Variants in SLC35F3 observed in about 807,000 individuals in gnomAD.
The protein encoded by SLC35F3 is solute carrier family 35 member F3, also known as putative thiamine transporter SLC35F3.
In SLC35F3, 25 loss-of-function variants were observed where a neutral mutation model predicts 49.9. That is an observed-to-expected ratio of 0.50 (90% CI 0.37 to 0.70). SLC35F3 has a LOEUF of 0.70. Ranked by LOEUF, SLC35F3 falls within the 30% of genes least tolerant of loss-of-function variation. SLC35F3 has a pLI of 0.00. For missense variants in SLC35F3, 525 were observed against 639.8 expected, an observed-to-expected ratio of 0.82 and a Z score of 1.94; for synonymous variants, 275 against 265.4, an observed-to-expected ratio of 1.04 and a Z score of -0.35.
chr1:234,114,447 A>G (rs181314476), intron 2 of SLC35F3, among the ~76,000 whole-genome samples: 4 of 152,342 alleles, frequency 2.6e-5, no homozygotes, highest in Middle Eastern at 3.4e-3. Context: ...ATAAACTGAC[A>G]TATTTATGAA....
rs1457149469 is a variant in SLC35F3 at position 234,214,528 on chromosome 1, G to T, written c.284-16889G>T. On this transcript the variant is annotated intron_variant, in intron 2 of 7. Coordinates refer to ENST00000366618, the MANE Select transcript of SLC35F3 (RefSeq NM_173508.4). The surrounding 1 kb of genome is among the most constrained non-coding windows in gnomAD (Gnocchi z 8.0). ...AGAAGCACTCGGCCCGGGTGGCCCCGCTCAGCGCCTGCAACAGTCCGGTCC... is the reference window on the plus strand; with the variant it reads ...AGAAGCACTCGGCCCGGGTGGCCCCTCTCAGCGCCTGCAACAGTCCGGTCC... 5.1e-6 allele frequency: 8 copies of T among 1,555,452 alleles called. No homozygotes were observed. Among genetic ancestry groups the T allele is most frequent in the Non-Finnish European group, 6.9e-6 (8 of 1,153,214 alleles).
At chr1:234,002,775 T>A (rs940298877) in intron 2 of SLC35F3, among the ~76,000 whole-genome samples, 1 of 152,192 alleles carries the variant, frequency 6.6e-6, no homozygotes, top group Non-Finnish European at 1.5e-5. Context: ...AGAGTCTACA[T>A]AAATCATTTG....
chr1:234,203,753 C>T (rs1331688969), intron 2 of SLC35F3, among the ~76,000 whole-genome samples: 3 of 151,662 alleles, frequency 2.0e-5, no homozygotes, highest in Non-Finnish European at 4.4e-5. Context: ...CCCAGTGAAC[C>T]GAATTTTAAA....
chr1:233,993,189 A>T (rs1038184405), intron 2 of SLC35F3, among the ~76,000 whole-genome samples: 4 of 152,072 alleles, frequency 2.6e-5, no homozygotes, highest in African/African-American at 9.7e-5. Flanking sequence ...CTGGTCTCGA[A>T]CTCCTGACCT....
intron 2 of SLC35F3, among the ~76,000 whole-genome samples, chr1:234,176,749 G>T (rs1301078826): frequency 6.6e-6 from 1 of 152,202 alleles, no homozygotes; most frequent in Non-Finnish European, 1.5e-5. Flanking sequence ...CAGACAGACT[G>T]AACTTGAACA....
chr1:234,156,380 G>A (rs1666153134), intron 2 of SLC35F3, among the ~76,000 whole-genome samples: 1 of 152,164 alleles, frequency 6.6e-6, no homozygotes, highest in East Asian at 1.9e-4. Flanking sequence ...TAACCCCGCA[G>A]TACCACTTCG....
intron 2 of SLC35F3, among the ~76,000 whole-genome samples, chr1:233,926,968 C>A (rs535666729): frequency 1.3e-5 from 2 of 152,318 alleles, no homozygotes; most frequent in South Asian, 4.1e-4. Context: ...CCAGCGGAGG[C>A]TGCAGAACAG....
chr1:234,248,782 G>C (rs1481594900), intron 3 of SLC35F3, among the ~76,000 whole-genome samples: 1 of 152,204 alleles, frequency 6.6e-6, no homozygotes, highest in Non-Finnish European at 1.5e-5. Context: ...TCACAGCCCA[G>C]AAATCAAACT....
intron 2 of SLC35F3, among the ~76,000 whole-genome samples, chr1:234,211,852 A>C (rs935019633): frequency 3.3e-5 from 5 of 152,154 alleles, no homozygotes; most frequent in African/African-American, 1.2e-4. Flanking sequence ...TGAGGATATG[A>C]GATTTGGGAG....
At chr1:233,968,495 TTC>T (rs1662936714) in intron 2 of SLC35F3, among the ~76,000 whole-genome samples, 1 of 32,836 alleles carries the variant, frequency 3.0e-5, no homozygotes, top group Admixed American at 2.0e-4. Flanking sequence ...CTTTTTCTTT[TTC>T]TTTTGTTTTT....
At chr1:234,316,031 G>A (rs1226282956) in intron 4 of SLC35F3, among the ~76,000 whole-genome samples, 1 of 152,244 alleles carries the variant, frequency 6.6e-6, no homozygotes, top group African/African-American at 2.4e-5. Flanking sequence ...ACGAAGGAAA[G>A]GAATAGCACC....
At chr1:233,991,924 G>A (rs1346086485) in intron 2 of SLC35F3, among the ~76,000 whole-genome samples, 2 of 152,126 alleles carry the variant, frequency 1.3e-5, no homozygotes, top group African/African-American at 4.8e-5. Context: ...ACATAAGCCT[G>A]TGAATTTTCC....
chr1:234,097,078 A>G (rs1665136280), intron 2 of SLC35F3, among the ~76,000 whole-genome samples: 1 of 151,910 alleles, frequency 6.6e-6, no homozygotes, highest in African/African-American at 2.4e-5. Flanking sequence ...TAGTAGAGAC[A>G]GGGTTTCTTC....
intron 2 of SLC35F3, among the ~76,000 whole-genome samples, chr1:233,916,867 A>G (rs555261753): frequency 1.7e-4 from 26 of 152,342 alleles, no homozygotes; most frequent in African/African-American, 5.5e-4. Flanking sequence ...GACACTATTC[A>G]TGGAGGAATT....
chr1:234,181,802 T>C (rs1157310791), intron 2 of SLC35F3, among the ~76,000 whole-genome samples: 1 of 152,250 alleles, frequency 6.6e-6, no homozygotes. Context: ...GTTTTTGGTT[T>C]CTTTTTTAGG....
chr1:234,114,151 A>G (rs1451954562), intron 2 of SLC35F3, among the ~76,000 whole-genome samples: 2 of 152,202 alleles, frequency 1.3e-5, no homozygotes, highest in East Asian at 3.9e-4. Context: ...AGCCAGTATG[A>G]GTTGGCTCCA....
intron 2 of SLC35F3, among the ~76,000 whole-genome samples, chr1:234,151,644 A>G (rs1666077147): frequency 6.6e-6 from 1 of 152,140 alleles, no homozygotes; most frequent in South Asian, 2.1e-4. Flanking sequence ...ACTCAAGAGC[A>G]TATAAACGTA....
At chr1:234,155,892 G>T (rs887750604) in intron 2 of SLC35F3, among the ~76,000 whole-genome samples, 2 of 151,514 alleles carry the variant, frequency 1.3e-5, no homozygotes, top group Admixed American at 6.6e-5. Flanking sequence ...ATATTCTTTT[G>T]GTCAGTAAGA....
rs565421648 is a variant in SLC35F3 at position 233,905,056 on chromosome 1, C to T, written c.-22C>T. 1.9e-6 allele frequency: 3 copies of T among 1,554,150 alleles called. No homozygotes were observed. Among genetic ancestry groups the T allele is most frequent in the East Asian group, 2.4e-5 (1 of 41,852 alleles). ...CCTCCGCCTCAAGTCTGGGAGCTGC[C>T]GGTCCCACTCTGTCTTTGCCTATGG... is the stretch of plus-strand genomic sequence containing the variant. On this transcript the variant is annotated 5_prime_UTR_variant, in exon 1 of 8. Transcript: ENST00000366618.
Sources: gnomAD v4.1 joint callset for allele counts (sites outside exome capture counted in the v4.1 genomes callset) on GRCh38, gnomAD v4.1.1 for gene constraint, Gnocchi (gnomAD v3.1) non-coding constraint, MANE v1.5 for transcripts, NCBI Gene and HGNC (gene_info 2026-07-23, HGNC 2026-07-21) for gene names.